Variants in COG5 observed in about 807,000 individuals in gnomAD.
The protein encoded by COG5 is component of oligomeric golgi complex 5, also known as conserved oligomeric Golgi complex subunit 5.
A neutral mutation model predicts 110.4 loss-of-function variants in COG5; 86 were observed. That is an observed-to-expected ratio of 0.78 (90% CI 0.65 to 0.93). The LOEUF is 0.93. Among genes scored for constraint, COG5 ranks in the 40% least tolerant of loss-of-function variants. COG5 has a pLI of 0.00. For missense variants in COG5, 1,077 were observed against 987.0 expected (o/e 1.09, Z -1.22); for synonymous variants, 360 against 334.6 (o/e 1.08, Z -0.83).
chr7:107,437,437 C>T (rs1794435545), intron 6 of COG5, among the ~76,000 whole-genome samples: 2 of 152,218 alleles, frequency 1.3e-5, no homozygotes, highest in South Asian at 4.1e-4. Context: ...CTTGTTTCTG[C>T]TAAAAATATA....
intron 6 of COG5, among the ~76,000 whole-genome samples, chr7:107,427,673 A>G (rs1210278157): frequency 6.6e-6 from 1 of 151,912 alleles, no homozygotes; most frequent in Non-Finnish European, 1.5e-5. Context: ...CACTGGAGAC[A>G]TCCTACCCAC....
intron 6 of COG5, among the ~76,000 whole-genome samples, chr7:107,431,281 AAAG>A: frequency 6.6e-6 from 1 of 152,352 alleles, no homozygotes; most frequent in East Asian, 1.9e-4. Context: ...CAAAAATAAA[AAAG>A]AATGAAATTT....
chr7:107,267,754 A>T (rs1047937862), intron 14 of COG5, among the ~76,000 whole-genome samples: 2 of 152,068 alleles, frequency 1.3e-5, no homozygotes, highest in East Asian at 1.9e-4. Flanking sequence ...ATACAATTTA[A>T]AAAAAATAAC....
chr7:107,386,452 G>T (rs796844505), intron 7 of COG5, among the ~76,000 whole-genome samples: 13 of 152,198 alleles, frequency 8.5e-5, no homozygotes, highest in African/African-American at 3.1e-4. Flanking sequence ...CCCCGTGTGA[G>T]GAACGCTGCG....
rs560598771 is a variant in COG5, at chr7:107,241,804, A to G, written c.1854-5117T>C. ...GACTGATCTTTCCTTTTTTTGAAACAGGGTCTTACTTTGTCATCTATCCTG... is the reference window on the plus strand; with the variant it reads ...GACTGATCTTTCCTTTTTTTGAAACGGGGTCTTACTTTGTCATCTATCCTG... On this transcript the variant is annotated intron_variant, in intron 17 of 21. Coordinates refer to ENST00000297135, the MANE Select transcript of COG5 (RefSeq NM_006348.5). Among the ~76,000 whole-genome samples, 4 of 151,878 alleles carry G rather than the reference A, an allele frequency of 2.6e-5. No individual in the cohort carries two copies. The South Asian group carries it at 8.3e-4, about 32-fold the overall frequency.
intron 7 of COG5, 68 bp from the exon 8 acceptor site, chr7:107,372,828 T>C (rs1308479308): frequency 1.3e-6 from 2 of 1,496,018 alleles, no homozygotes; most frequent in East Asian, 2.3e-5. Context: ...AACATAAATA[T>C]ACAACTTTAA....
intron 5 of COG5, among the ~76,000 whole-genome samples, chr7:107,542,157 C>A (rs918983451): frequency 6.6e-6 from 1 of 151,762 alleles, no homozygotes; most frequent in Non-Finnish European, 1.5e-5. Flanking sequence ...GAGAACTAAC[C>A]ATAAAAGAAA....
intron 6 of COG5, among the ~76,000 whole-genome samples, chr7:107,511,844 A>G (rs1368040970): frequency 1.3e-5 from 2 of 152,340 alleles, no homozygotes; most frequent in Non-Finnish European, 1.5e-5. Context: ...AAAATTCAAC[A>G]ACACTTCATG....
At position 107,238,701 on chromosome 7, in the gene COG5, GA is replaced by G. The variant is rs199856700; in HGVS notation, c.1854-2015del. ...TTGATAAGTCAATTCTGACAGGTGT[GA>G]GGTGCAATCTCATTGTGGTTTTAAT... On this transcript the variant is annotated intron_variant, in intron 17 of 21. Coordinates refer to ENST00000297135, the MANE Select transcript of COG5 (RefSeq NM_006348.5). 4.6e-5 allele frequency among the ~76,000 whole-genome samples: 7 copies of G among 152,280 alleles called. No homozygotes were observed. In the East Asian group the frequency reaches 1.4e-3, roughly 29 times the overall value.
intron 17 of COG5, among the ~76,000 whole-genome samples, chr7:107,246,199 T>C (rs1012467285): frequency 6.6e-6 from 1 of 152,080 alleles, no homozygotes; most frequent in African/African-American, 2.4e-5. Context: ...CCTTACACCA[T>C]ACACAAAAAT....
chr7:107,218,507 C>T (rs548353653), intron 19 of COG5, among the ~76,000 whole-genome samples: 20 of 151,878 alleles, frequency 1.3e-4, no homozygotes, highest in Admixed American at 5.2e-4. Flanking sequence ...AATAGAAACA[C>T]TAAGAAATAG....
chr7:107,514,184 A>G (rs998191339), intron 6 of COG5, among the ~76,000 whole-genome samples: 3 of 152,174 alleles, frequency 2.0e-5, no homozygotes, highest in African/African-American at 7.2e-5. Context: ...AATATTTTCT[A>G]TCATATCCAA....
chr7:107,377,031 T>C (rs561633377), intron 7 of COG5, among the ~76,000 whole-genome samples: 3 of 152,262 alleles, frequency 2.0e-5, no homozygotes, highest in South Asian at 4.1e-4. Context: ...GTAATTTTAC[T>C]TCCTTACAAT....
chr7:107,227,634 A>G (rs1322371814), intron 19 of COG5, among the ~76,000 whole-genome samples: 2 of 151,474 alleles, frequency 1.3e-5, no homozygotes, highest in African/African-American at 4.8e-5. Context: ...CTATGACACA[A>G]CTTTAAGAGT....
intron 6 of COG5, among the ~76,000 whole-genome samples, chr7:107,418,068 A>C (rs1382590065): frequency 6.6e-6 from 1 of 152,176 alleles, no homozygotes; most frequent in Non-Finnish European, 1.5e-5. Flanking sequence ...AGAAATTCAG[A>C]CTAAAATCTT....
intron 12 of COG5, among the ~76,000 whole-genome samples, chr7:107,294,755 G>T (rs1312490686): frequency 8.5e-6 from 1 of 117,118 alleles, no homozygotes; most frequent in Admixed American, 1.1e-4. Context: ...TTGCTCTGTT[G>T]CCTGGGCTGG....
intron 6 of COG5, among the ~76,000 whole-genome samples, chr7:107,496,087 G>A (rs950201389): frequency 2.0e-5 from 3 of 151,624 alleles, no homozygotes; most frequent in Non-Finnish European, 4.4e-5. Context: ...CAGTTGGACC[G>A]AACATTTAAA....
At chr7:107,233,680 TA>T (rs1250416624) in intron 18 of COG5, among the ~76,000 whole-genome samples, 2 of 152,214 alleles carry the variant, frequency 1.3e-5, no homozygotes, top group East Asian at 3.9e-4. Flanking sequence ...ACCCATGGAG[TA>T]TTTGTGTATT....
At position 107,460,340 on chromosome 7, in the gene COG5, C is replaced by A. The variant is rs114290374; in HGVS notation, c.539-47708G>T. Among the ~76,000 whole-genome samples the A allele has an allele frequency of 5.5e-3, 831 of 151,870 alleles. 8 individuals carry two copies. The highest frequency in any genetic ancestry group is 0.019 in the African/African-American group (801 of 41,416). On this transcript the variant is annotated intron_variant, in intron 6 of 21. Transcript: ENST00000297135. ...ATCTCTTGAGCCCAGGAGGTCGAGGCTACAGTGACCAGTAATCGTACCACC... is the reference window on the plus strand; with the variant it reads ...ATCTCTTGAGCCCAGGAGGTCGAGGATACAGTGACCAGTAATCGTACCACC...
Sources: allele counts gnomAD v4.1 joint callset (sites outside exome capture counted in the v4.1 genomes callset), GRCh38; gene constraint gnomAD v4.1.1; transcripts MANE v1.5; gene names NCBI Gene and HGNC (gene_info 2026-07-23, HGNC 2026-07-21).